The following ALDH1A2 variants were observed in gnomAD, a reference collection of about 807,000 sequenced individuals.
ALDH1A2 encodes the protein retinal dehydrogenase 2.
Under a neutral mutation model 60.3 loss-of-function variants are expected in ALDH1A2, and 27 were observed. The observed-to-expected ratio is 0.45, with a 90% confidence interval of 0.33 to 0.62. The LOEUF (loss-of-function observed/expected upper bound fraction) is 0.62, where lower values mean the gene tolerates loss of function less well. Among genes scored for constraint, ALDH1A2 ranks in the 20% least tolerant of loss-of-function variants. The pLI is 0.02. For missense variants in ALDH1A2, 581 were observed against 643.8 expected, an observed-to-expected ratio of 0.90 and a Z score of 1.06; for synonymous variants, 289 against 232.4, an observed-to-expected ratio of 1.24 and a Z score of -2.21.
chr15:58,004,541 C>T (rs1304728114), intron 4 of ALDH1A2, among the ~76,000 whole-genome samples: 3 of 151,500 alleles, frequency 2.0e-5, no homozygotes, highest in Non-Finnish European at 4.4e-5. Flanking sequence ...GTTTACCTAC[C>T]GCTTAGCTCT....
Position 57,962,281 on chromosome 15 carries a change from C to A in ALDH1A2, c.1087-105G>T, listed in dbSNP as rs1243035933. The A allele has an allele frequency of 5.8e-6, 8 of 1,390,092 alleles. No individual in the cohort carries two copies. In the African/African-American group the frequency reaches 1.1e-4, roughly 20 times the overall value. The allele number at this position is 1,390,092 out of a possible 1,614,324, so 86.1% of individuals were successfully genotyped here. A position where few individuals can be genotyped will look rare whatever the true frequency, so the allele number is the denominator to read the frequency against. On this transcript the variant is annotated intron_variant, in intron 9 of 12. Transcript: ENST00000249750. ...TTTTAGGGTTTTTTTCAAAGTTTAA[C>A]TACACCCAGTCAGATCATATAAAAC...
At chr15:58,023,487 A>G (rs12915821) in intron 1 of ALDH1A2, among the ~76,000 whole-genome samples, 72,366 of 151,902 alleles carry the variant, frequency 0.48, 17,683 homozygotes, top group Non-Finnish European at 0.54. Flanking sequence ...TTTTCTACAT[A>G]GCATATTGTT....
In ALDH1A2 at chr15:58,000,864, C is replaced by A. The variant is rs79462598; in HGVS notation, c.494-5725G>T. 4.2e-3 allele frequency among the ~76,000 whole-genome samples: 636 copies of A among 151,860 alleles called. 23 individuals carry two copies. In the East Asian group the frequency reaches 0.11, roughly 26 times the overall value. On this transcript the variant is annotated intron_variant, in intron 4 of 12. Transcript: ENST00000249750. ...CAGACCACACTCTGAGTAGCAAGATCAGGAGTGTAAAGGGGAGTCCACGTG... is the reference window on the plus strand; with the variant it reads ...CAGACCACACTCTGAGTAGCAAGATAAGGAGTGTAAAGGGGAGTCCACGTG...
chr15:58,008,697 G>C (rs4646596), intron 4 of ALDH1A2, among the ~76,000 whole-genome samples: 63,518 of 151,878 alleles, frequency 0.42, 14,489 homozygotes, highest in Non-Finnish European at 0.53. Context: ...ATAATGAAAT[G>C]ACAGGTGGAG....
In ALDH1A2 at chr15:57,963,900, A is replaced by T; in HGVS notation, c.1071T>A (p.Thr357=). The T allele has an allele frequency of 6.2e-7, 1 of 1,614,158 alleles. No individual in the cohort carries two copies. The highest frequency in any genetic ancestry group is 8.5e-7 in the Non-Finnish European group (1 of 1,180,008). ...ATTTTTCTACCTGGGGACCCTGCTC[A>T]GTGGTGGGGTCAAAGGGACTCCCCA... ...RVVGSPFDPT[T]EQGPQIDKKQ... is the part of the protein sequence containing the mutation. Residue 357 remains threonine, a synonymous_variant, in exon 9 of 13, where the codon ACT becomes ACA. Transcript: ENST00000249750.
intron 5 of ALDH1A2, among the ~76,000 whole-genome samples, chr15:57,994,132 T>G (rs1481657914): frequency 6.6e-6 from 1 of 152,188 alleles, no homozygotes; most frequent in Non-Finnish European, 1.5e-5. Flanking sequence ...GAAAAGTAAG[T>G]TTGAATCCTA....
chr15:58,006,745 T>G (rs544479055), intron 4 of ALDH1A2, among the ~76,000 whole-genome samples: 8 of 147,020 alleles, frequency 5.4e-5, no homozygotes, highest in African/African-American at 2.0e-4. Flanking sequence ...TCAGCTGTGG[T>G]TTTAATTTGC....
chr15:58,055,673 T>G (rs1275194719), intron 1 of ALDH1A2, among the ~76,000 whole-genome samples: 1 of 152,102 alleles, frequency 6.6e-6, no homozygotes, highest in East Asian at 1.9e-4. Context: ...ACTTCCACAA[T>G]ATTTTCTTTA....
rs749322232 is a variant in ALDH1A2, at chr15:57,960,756, A to G, written c.1484+14T>C. 5.2e-5 allele frequency: 84 copies of G among 1,611,532 alleles called. No individual in the cohort carries two copies. Among genetic ancestry groups the G allele is most frequent in the Non-Finnish European group, 7.0e-5 (82 of 1,177,798 alleles). On this transcript the variant is annotated intron_variant, in intron 12 of 12. Transcript: ENST00000249750. ...ATCTATTTCTCTGCAGGCATCAGCA[A>G]CTTTAAGACTTACATTTCTCTCCCA...
At chr15:58,007,949 CTA>C (rs1394983535) in intron 4 of ALDH1A2, among the ~76,000 whole-genome samples, 11 of 152,200 alleles carry the variant, frequency 7.2e-5, no homozygotes, top group African/African-American at 2.6e-4. Flanking sequence ...TGATCTTCCC[CTA>C]TGACTCCCCT....
intron 8 of ALDH1A2, 167 bp from the exon 9 acceptor site, chr15:57,964,236 C>T: frequency 3.0e-6 from 2 of 661,502 alleles, no homozygotes; most frequent in South Asian, 3.8e-5. Context: ...TACACCCTGA[C>T]ATGCTATGTG....
chr15:58,062,205 T>A (rs1285791488), intron 1 of ALDH1A2, among the ~76,000 whole-genome samples: 2 of 151,566 alleles, frequency 1.3e-5, no homozygotes, highest in Admixed American at 6.6e-5. Flanking sequence ...CCATATAATA[T>A]CAGATGCAGA....
intron 1 of ALDH1A2, among the ~76,000 whole-genome samples, chr15:58,016,969 A>C (rs1407235494): frequency 6.6e-6 from 1 of 152,210 alleles, no homozygotes; most frequent in Non-Finnish European, 1.5e-5. Flanking sequence ...TAAAGAATAA[A>C]ATTAAGAGAA....
chr15:58,063,432 T>C (rs1458024913), intron 1 of ALDH1A2, among the ~76,000 whole-genome samples: 13 of 152,176 alleles, frequency 8.5e-5, no homozygotes, highest in African/African-American at 3.1e-4. Context: ...ATTGCTAATA[T>C]AATTTCCCTC....
chr15:58,065,380 G>T, intron 1 of ALDH1A2, 154 bp downstream of exon 1: 1 of 766,736 alleles, frequency 1.3e-6, no homozygotes, highest in Non-Finnish European at 2.3e-6. Context: ...CAGTCCCGAA[G>T]ACAGGCAGGG....
intron 6 of ALDH1A2, 59 bp from the exon 7 acceptor site, chr15:57,992,877 G>A (rs1894941373): frequency 6.2e-7 from 1 of 1,613,720 alleles, no homozygotes; most frequent in Non-Finnish European, 8.5e-7. Context: ...CATGTTAAAT[G>A]AGATATGCTC....
At chr15:58,057,836 T>A (rs1896935285) in intron 1 of ALDH1A2, among the ~76,000 whole-genome samples, 1 of 152,060 alleles carries the variant, frequency 6.6e-6, no homozygotes, top group African/African-American at 2.4e-5. Flanking sequence ...AAGGCCTTAA[T>A]AAATGTTAAA....
chr15:58,010,547 C>T (rs992069527), intron 4 of ALDH1A2, 102 bp downstream of exon 4: 2 of 1,486,308 alleles, frequency 1.3e-6, no homozygotes, highest in Non-Finnish European at 1.9e-6. Context: ...TGTAAGTGTG[C>T]TCATATCTGT....
At chr15:57,978,815 T>C (rs1297526750) in intron 7 of ALDH1A2, among the ~76,000 whole-genome samples, 1 of 152,132 alleles carries the variant, frequency 6.6e-6, no homozygotes, top group South Asian at 2.1e-4. Context: ...GGTGCGTGGA[T>C]TACCTGAGGC....
Sources: gnomAD v4.1 joint callset for allele counts (sites outside exome capture counted in the v4.1 genomes callset) on GRCh38, gnomAD v4.1.1 for gene constraint, MANE v1.5 for transcripts, NCBI Gene and HGNC (gene_info 2026-07-23, HGNC 2026-07-21) for gene names.